The following ULK4 variants were observed in gnomAD, a reference collection of about 807,000 sequenced individuals.
ULK4 encodes the protein unc-51 like kinase 4, also known as inactive serine/threonine-protein kinase ULK4.
In ULK4, 133 loss-of-function variants were observed where a neutral mutation model predicts 160.6. The observed-to-expected ratio is 0.83, with a 90% CI of 0.72 to 0.96. ULK4 has a LOEUF of 0.96. Among genes scored for constraint, ULK4 ranks in the 40% least tolerant of loss-of-function variants. The probability of loss-of-function intolerance (pLI) is 0.00; values close to 1 mark genes in which losing one functional copy is unlikely to be tolerated. For missense variants in ULK4, 1,580 were observed against 1,499.5 expected (o/e 1.05, Z -0.89); for synonymous variants, 534 against 539.8 (o/e 0.99, Z 0.15).
intron 21 of ULK4, among the ~76,000 whole-genome samples, chr3:41,763,654 G>T (rs573317896): frequency 1.3e-5 from 2 of 152,316 alleles, no homozygotes; most frequent in South Asian, 4.1e-4. Flanking sequence ...GAGCAAAGCT[G>T]CTATGGACAT....
chr3:41,617,318 T>C (rs1276594854), intron 30 of ULK4, among the ~76,000 whole-genome samples: 3 of 152,222 alleles, frequency 2.0e-5, no homozygotes, highest in South Asian at 2.1e-4. Flanking sequence ...CCAAGCCTCC[T>C]GACTGGGAGA....
intron 27 of ULK4, among the ~76,000 whole-genome samples, chr3:41,691,018 A>G (rs1360150167): frequency 6.6e-6 from 1 of 151,838 alleles, no homozygotes. Context: ...TGCTAGGGAA[A>G]GGCAGTCTCC....
chr3:41,248,335 G>A (rs1294190395), intron 36 of ULK4, among the ~76,000 whole-genome samples: 1 of 152,186 alleles, frequency 6.6e-6, no homozygotes, highest in Non-Finnish European at 1.5e-5. Flanking sequence ...AGTCCAGGGA[G>A]TCACTGTTCA....
chr3:41,878,784 G>A (rs555349362), intron 17 of ULK4, among the ~76,000 whole-genome samples: 1 of 151,248 alleles, frequency 6.6e-6, no homozygotes, highest in East Asian at 2.0e-4. Context: ...CAACATCTGA[G>A]TCTAGTGATC....
At chr3:41,810,881 A>G (rs1362590889) in intron 19 of ULK4, among the ~76,000 whole-genome samples, 1 of 151,768 alleles carries the variant, frequency 6.6e-6, no homozygotes, top group Non-Finnish European at 1.5e-5. Context: ...CCATTATTTT[A>G]TTTCATTTTA....
chr3:41,587,836 T>C (rs1408108141), intron 31 of ULK4, among the ~76,000 whole-genome samples: 1 of 152,238 alleles, frequency 6.6e-6, no homozygotes, highest in African/African-American at 2.4e-5. Context: ...AAATATCGGT[T>C]AATTAGCACT....
chr3:41,677,632 C>A (rs756752252), intron 29 of ULK4, among the ~76,000 whole-genome samples: 36 of 152,050 alleles, frequency 2.4e-4, no homozygotes, highest in Non-Finnish European at 4.3e-4. Flanking sequence ...CGCCCGGCCC[C>A]TAAAGTTCAT....
chr3:41,392,619 T>G (rs1248329238), intron 35 of ULK4, among the ~76,000 whole-genome samples: 1 of 152,118 alleles, frequency 6.6e-6, no homozygotes, highest in East Asian at 1.9e-4. Context: ...CGCTCAGCTT[T>G]GGGCACAGGA....
intron 32 of ULK4, among the ~76,000 whole-genome samples, chr3:41,499,141 A>G (rs1371578295): frequency 6.6e-6 from 1 of 152,236 alleles, no homozygotes; most frequent in Non-Finnish European, 1.5e-5. Context: ...CAGAAGAAAC[A>G]TGAACCACAG....
At chr3:41,918,242 T>A (rs1799650) in intron 7 of ULK4, among the ~76,000 whole-genome samples, 1 of 152,156 alleles carries the variant, frequency 6.6e-6, no homozygotes, top group South Asian at 2.1e-4. Flanking sequence ...AAATAGTTTT[T>A]AAATGAGGGA....
At chr3:41,669,924 A>G (rs942366242) in intron 29 of ULK4, among the ~76,000 whole-genome samples, 3 of 152,246 alleles carry the variant, frequency 2.0e-5, no homozygotes, top group Non-Finnish European at 4.4e-5. Context: ...AAATCTCACC[A>G]GGAATGAAGA....
chr3:41,335,309 C>A lies in ULK4; in HGVS notation c.3678+62770G>T, dbSNP rs571247293. On this transcript the variant is annotated intron_variant, in intron 35 of 36. Coordinates refer to ENST00000301831, the MANE Select transcript of ULK4 (RefSeq NM_017886.4). ...AGATGATCTGCTCCTTGTAAAGAAT[C>A]ACATTTCATGGCCTGGAATTTAAAG... 5.3e-5 allele frequency among the ~76,000 whole-genome samples: 8 copies of A among 152,288 alleles called. No homozygotes were observed. The South Asian group carries it at 8.3e-4, about 16-fold the overall frequency.
chr3:41,637,303 T>C (rs1189781584), intron 30 of ULK4, among the ~76,000 whole-genome samples: 2 of 152,200 alleles, frequency 1.3e-5, no homozygotes, highest in Non-Finnish European at 2.9e-5. Flanking sequence ...ATTTGTCTTT[T>C]TGTGCCTCAT....
chr3:41,638,541 G>C (rs2034052918), intron 30 of ULK4, among the ~76,000 whole-genome samples: 1 of 152,172 alleles, frequency 6.6e-6, no homozygotes, highest in South Asian at 2.1e-4. Flanking sequence ...ATATGCTATG[G>C]CAAAGAATGT....
In ULK4 at chr3:41,907,895, C is replaced by T; in HGVS notation, c.1132G>A (p.Gly378Ser). 6.2e-7 allele frequency: 1 copy of T among 1,605,336 alleles called. No homozygotes were observed. The highest frequency in any genetic ancestry group is 8.5e-7 in the Non-Finnish European group (1 of 1,176,316). ...RTSTAVEVSPGEDMTHCSPQK... is the reference protein window; with the variant it reads ...RTSTAVEVSPSEDMTHCSPQK... Reference sequence around the variant, plus strand: ...GGTGAACAGTGAGTCATATCCTCACCAGGACTTACTTCCACTGCAGTGCTA... The same window carrying T: ...GGTGAACAGTGAGTCATATCCTCACTAGGACTTACTTCCACTGCAGTGCTA... Residue 378 changes from glycine to serine, a missense_variant, in exon 12 of 37, where the codon GGT becomes AGT. Gly to Ser is a moderately conservative substitution (Grantham distance 56). Coordinates refer to ENST00000301831, the MANE Select transcript of ULK4 (RefSeq NM_017886.4).
intron 32 of ULK4, among the ~76,000 whole-genome samples, chr3:41,506,767 A>AAAAAAAAAAAAAAAAAAAAAAATAAAT: frequency 1.8e-5 from 1 of 56,766 alleles, no homozygotes; most frequent in Non-Finnish European, 3.1e-5. Flanking sequence ...TGTGATTTAA[A>AAAAAAAAAAAAAAAAAAAAAAATAAAT]ATATATATAT....
chr3:41,905,591 A>G (rs921666907), intron 12 of ULK4, among the ~76,000 whole-genome samples: 1 of 152,250 alleles, frequency 6.6e-6, no homozygotes, highest in Non-Finnish European at 1.5e-5. Context: ...TATAACTCCT[A>G]TCTAGAATAT....
intron 22 of ULK4, among the ~76,000 whole-genome samples, chr3:41,723,027 T>G (rs1244792586): frequency 2.0e-5 from 3 of 152,160 alleles, no homozygotes; most frequent in African/African-American, 2.4e-5. Context: ...CCACCAGTAG[T>G]GTATGCGTTC....
chr3:41,454,184 AAAAAAAG>A (rs1478830571), intron 34 of ULK4, among the ~76,000 whole-genome samples: 1 of 150,758 alleles, frequency 6.6e-6, no homozygotes, highest in Non-Finnish European at 1.5e-5. Flanking sequence ...AATTAAAAAA[AAAAAAAG>A]AAAAAAGAAA....
Sources: gnomAD v4.1 joint callset for allele counts (sites outside exome capture counted in the v4.1 genomes callset) on GRCh38, gnomAD v4.1.1 for gene constraint, MANE v1.5 for transcripts, NCBI Gene and HGNC (gene_info 2026-07-23, HGNC 2026-07-21) for gene names.